The following CNTNAP2 variants were observed in gnomAD, a reference collection of about 807,000 sequenced individuals.
CNTNAP2 encodes the protein contactin associated protein 2, also known as contactin-associated protein-like 2.
A neutral mutation model predicts 155.2 loss-of-function variants in CNTNAP2; 98 were observed. The observed-to-expected ratio is 0.63, with a 90% CI of 0.54 to 0.75. CNTNAP2 has a LOEUF of 0.75. CNTNAP2 is among the 30% of genes least tolerant of loss of function. The pLI is 0.00. For missense variants in CNTNAP2, 1,727 were observed against 1,688.1 expected (o/e 1.02, Z -0.40); for synonymous variants, 651 against 631.2 (o/e 1.03, Z -0.47).
intron 18 of CNTNAP2, among the ~76,000 whole-genome samples, chr7:148,203,744 A>G (rs1264862190): frequency 6.6e-6 from 1 of 152,196 alleles, no homozygotes; most frequent in African/African-American, 2.4e-5. Context: ...ATCTCAAAAA[A>G]AAGAAAAAGA....
chr7:147,992,420 T>C (rs1156663659), intron 15 of CNTNAP2, among the ~76,000 whole-genome samples: 1 of 152,128 alleles, frequency 6.6e-6, no homozygotes, highest in African/African-American at 2.4e-5. Flanking sequence ...CCTCTATTAC[T>C]ACCTGTAAAA....
At chr7:148,274,903 G>A (rs920454694) in intron 21 of CNTNAP2, among the ~76,000 whole-genome samples, 1 of 152,148 alleles carries the variant, frequency 6.6e-6, no homozygotes, top group African/African-American at 2.4e-5. Context: ...GAATAGTAAT[G>A]GTCTCTGTGT....
At chr7:146,891,445 G>A (rs7804277) in intron 3 of CNTNAP2, among the ~76,000 whole-genome samples, 64,027 of 151,934 alleles carry the variant, frequency 0.42, 15,849 homozygotes, top group African/African-American at 0.68. Context: ...AAATTTGCAC[G>A]ATGTTTTACC....
intron 8 of CNTNAP2, among the ~76,000 whole-genome samples, chr7:147,224,664 T>TAATGGGTGAAGTATG (rs1480775145): frequency 3.9e-5 from 6 of 152,216 alleles, no homozygotes; most frequent in South Asian, 4.2e-4. Context: ...AGAAAGTATA[T>TAATGGGTGAAGTATG]AATGGGTGAA....
chr7:146,133,953 A>G (rs1441039943), intron 1 of CNTNAP2, among the ~76,000 whole-genome samples: 1 of 151,198 alleles, frequency 6.6e-6, no homozygotes, highest in African/African-American at 2.4e-5. Flanking sequence ...CTGTGAAGAA[A>G]GGCATTGGTA....
At chr7:146,346,228 G>A (rs1428210103) in intron 1 of CNTNAP2, among the ~76,000 whole-genome samples, 3 of 152,142 alleles carry the variant, frequency 2.0e-5, no homozygotes, top group Non-Finnish European at 2.9e-5. Flanking sequence ...GCAGCGGTGA[G>A]CCAGGAAAGC....
chr7:147,883,324 T>C (rs900677117), intron 13 of CNTNAP2, among the ~76,000 whole-genome samples: 1 of 152,178 alleles, frequency 6.6e-6, no homozygotes, highest in African/African-American at 2.4e-5. Context: ...TTTGAGACAG[T>C]GTAAGACACA....
intron 21 of CNTNAP2, among the ~76,000 whole-genome samples, chr7:148,292,407 A>G (rs777224305): frequency 2.2e-4 from 33 of 152,244 alleles, no homozygotes; most frequent in Non-Finnish European, 4.1e-4. Context: ...GTGAAATCCC[A>G]AAGAGGTTAA....
chr7:147,283,962 A>T (rs149822215), intron 8 of CNTNAP2, among the ~76,000 whole-genome samples: 63 of 151,680 alleles, frequency 4.2e-4, no homozygotes, highest in African/African-American at 1.5e-3. Flanking sequence ...ACTAAGATAC[A>T]ATATTCAAGT....
intron 15 of CNTNAP2, among the ~76,000 whole-genome samples, chr7:148,037,654 G>GAA (rs1396438916): frequency 3.1e-5 from 4 of 130,620 alleles, no homozygotes; most frequent in Non-Finnish European, 6.7e-5. Context: ...ACAGTATTTT[G>GAA]AAAGAGAGAG....
chr7:148,056,092 T>C (rs1272544541), intron 15 of CNTNAP2, among the ~76,000 whole-genome samples: 1 of 152,200 alleles, frequency 6.6e-6, no homozygotes, highest in Non-Finnish European at 1.5e-5. Flanking sequence ...GCAGACTGTA[T>C]AGCAGCCTAA....
At chr7:146,612,276 T>A (rs1177225341) in intron 1 of CNTNAP2, among the ~76,000 whole-genome samples, 1 of 152,180 alleles carries the variant, frequency 6.6e-6, no homozygotes, top group Non-Finnish European at 1.5e-5. Flanking sequence ...CACATGGACC[T>A]TTTTTCTTGT....
At position 148,323,294 on chromosome 7, in the gene CNTNAP2, C is replaced by CT. The variant is rs60109355; in HGVS notation, c.3475+56196dup. On this transcript the variant is annotated intron_variant, in intron 21 of 23. Transcript: ENST00000361727. ...CATATGGCTTCCCAATTATGGATTT[C>CT]TTTTTTTTTTTTTTTTTTTTTTTTT... Among the ~76,000 whole-genome samples, 34 of 49,458 alleles carry CT rather than the reference C, an allele frequency of 6.9e-4. 1 individual carries two copies. The highest frequency in any genetic ancestry group is 2.1e-3 in the African/African-American group (24 of 11,566). The allele number at this position is 49,458 out of a possible 152,430, so 32.4% of individuals were successfully genotyped here.
chr7:147,234,037 T>TA (rs397791358), intron 8 of CNTNAP2, among the ~76,000 whole-genome samples: 12,699 of 133,420 alleles, frequency 0.095, 626 homozygotes, highest in Non-Finnish European at 0.11. Flanking sequence ...CTATCCACAG[T>TA]AAAAAAAAAA....
At chr7:146,872,129 T>A (rs1015093522) in intron 3 of CNTNAP2, among the ~76,000 whole-genome samples, 3 of 151,578 alleles carry the variant, frequency 2.0e-5, no homozygotes, top group Admixed American at 1.3e-4. Flanking sequence ...TTGGTACTTA[T>A]CTCTTTCCCT....
chr7:148,332,510 T>C (rs1490228823), intron 21 of CNTNAP2, among the ~76,000 whole-genome samples: 1 of 152,198 alleles, frequency 6.6e-6, no homozygotes, highest in Non-Finnish European at 1.5e-5. Context: ...TATAAAAATC[T>C]TGACCCAGAG....
intron 20 of CNTNAP2, among the ~76,000 whole-genome samples, chr7:148,260,868 G>A (rs1202369041): frequency 1.3e-5 from 2 of 152,198 alleles, no homozygotes; most frequent in East Asian, 3.9e-4. Context: ...AGGACACCAA[G>A]ATCCAAAAGC....
At chr7:147,939,009 A>C (rs1800666571) in intron 14 of CNTNAP2, among the ~76,000 whole-genome samples, 1 of 152,126 alleles carries the variant, frequency 6.6e-6, no homozygotes, top group Non-Finnish European at 1.5e-5. Flanking sequence ...ATATTTTTCA[A>C]TATTAGATTT....
At chr7:147,412,071 C>T (rs1797112683) in intron 10 of CNTNAP2, among the ~76,000 whole-genome samples, 1 of 152,152 alleles carries the variant, frequency 6.6e-6, no homozygotes, top group Non-Finnish European at 1.5e-5. Context: ...ATGATCCAGC[C>T]TCCCTTCAAG....
Sources: gnomAD v4.1 joint callset for allele counts (sites outside exome capture counted in the v4.1 genomes callset) on GRCh38, gnomAD v4.1.1 for gene constraint, MANE v1.5 for transcripts, NCBI Gene and HGNC (gene_info 2026-07-23, HGNC 2026-07-21) for gene names.